Variants in GRIN2B observed in about 807,000 individuals in gnomAD.
GRIN2B encodes glutamate ionotropic receptor NMDA type subunit 2B.
GRIN2B carries 5 observed loss-of-function variants against 114.5 expected under a neutral mutation model. The ratio of observed to expected loss-of-function variants is 0.04; its 90% CI spans 0.02 to 0.09. The LOEUF is 0.09. Ranked by LOEUF, GRIN2B falls within the 10% of genes least tolerant of loss-of-function variation. GRIN2B has a pLI of 1.00. For missense variants in GRIN2B, 1,108 were observed against 1,943.5 expected (o/e 0.57, Z 8.08); for synonymous variants, 787 against 745.1 (o/e 1.06, Z -0.92).
intron 2 of GRIN2B, among the ~76,000 whole-genome samples, chr12:13,886,255 G>T (rs1212086505): frequency 6.6e-6 from 1 of 152,072 alleles, no homozygotes; most frequent in Non-Finnish European, 1.5e-5. Context: ...TTTCTTAATT[G>T]GAAATGTTTT....
At chr12:13,819,613 T>C (rs1462964123) in intron 3 of GRIN2B, among the ~76,000 whole-genome samples, 1 of 152,176 alleles carries the variant, frequency 6.6e-6, no homozygotes, top group Non-Finnish European at 1.5e-5. Flanking sequence ...TGGGGCAAGA[T>C]GCTATAATCA....
chr12:13,769,116 T>C (rs1397881355), intron 3 of GRIN2B, among the ~76,000 whole-genome samples: 1 of 152,158 alleles, frequency 6.6e-6, no homozygotes, highest in Non-Finnish European at 1.5e-5. Flanking sequence ...GTATCATTCT[T>C]GGAATTTATT....
chr12:13,601,922 T>C (rs79197832), intron 10 of GRIN2B, among the ~76,000 whole-genome samples: 11,400 of 152,192 alleles, frequency 0.075, 604 homozygotes, highest in South Asian at 0.13. Flanking sequence ...TGTTGGGGCA[T>C]ATAGCAGACC....
intron 5 of GRIN2B, among the ~76,000 whole-genome samples, chr12:13,629,190 G>A (rs1193706908): frequency 6.6e-6 from 1 of 152,184 alleles, no homozygotes; most frequent in African/African-American, 2.4e-5. Flanking sequence ...ATTGCCCAGG[G>A]TCGACCACTC....
chr12:13,796,328 C>T (rs1348869429), intron 3 of GRIN2B, among the ~76,000 whole-genome samples: 2 of 152,204 alleles, frequency 1.3e-5, no homozygotes, highest in African/African-American at 4.8e-5. Context: ...CAACCCCAGT[C>T]TCTGAGGCTC....
chr12:13,576,206 T>G (rs1303253141), intron 10 of GRIN2B, among the ~76,000 whole-genome samples: 2 of 152,226 alleles, frequency 1.3e-5, no homozygotes, highest in African/African-American at 4.8e-5. Context: ...AAAATTCACA[T>G]TCATGGAGAA....
chr12:13,914,300 T>C (rs7969900), intron 2 of GRIN2B, among the ~76,000 whole-genome samples: 2,947 of 152,260 alleles, frequency 0.019, 117 homozygotes, highest in African/African-American at 0.066. Flanking sequence ...CTTGCACCCT[T>C]TTCCATGGTA....
At chr12:13,762,928 G>A (rs537226157) in intron 3 of GRIN2B, among the ~76,000 whole-genome samples, 62 of 151,804 alleles carry the variant, frequency 4.1e-4, no homozygotes, top group African/African-American at 1.4e-3. Flanking sequence ...AACATCCAGC[G>A]ATGTGTTTTT....
At chr12:13,770,708 C>T (rs1294526548) in intron 3 of GRIN2B, among the ~76,000 whole-genome samples, 1 of 152,136 alleles carries the variant, frequency 6.6e-6, no homozygotes, top group African/African-American at 2.4e-5. Context: ...TGTTGTTCCC[C>T]TCCCTGTGTC....
At chr12:13,874,386 C>A (rs1865963283) in intron 2 of GRIN2B, among the ~76,000 whole-genome samples, 1 of 152,202 alleles carries the variant, frequency 6.6e-6, no homozygotes, top group Non-Finnish European at 1.5e-5. Context: ...GATTATAAAT[C>A]ACTTTACATG....
intron 2 of GRIN2B, among the ~76,000 whole-genome samples, chr12:13,922,405 A>G (rs1407595016): frequency 1.3e-5 from 2 of 152,178 alleles, no homozygotes; most frequent in Admixed American, 1.3e-4. Flanking sequence ...CTGAATTGTT[A>G]TTTGGGTTAG....
At chr12:13,735,735 T>G (rs1480043881) in intron 4 of GRIN2B, among the ~76,000 whole-genome samples, 1 of 152,128 alleles carries the variant, frequency 6.6e-6, no homozygotes, top group Non-Finnish European at 1.5e-5. Flanking sequence ...AATCCCTCCT[T>G]CTCATCAGAT....
At chr12:13,715,456 A>G (rs1950446840) in intron 4 of GRIN2B, among the ~76,000 whole-genome samples, 4 of 151,926 alleles carry the variant, frequency 2.6e-5, no homozygotes, top group Admixed American at 2.6e-4. Context: ...CTCTGAAGGT[A>G]AAAAGTTGTC....
chr12:13,630,890 C>T (rs1044168942), intron 5 of GRIN2B, among the ~76,000 whole-genome samples: 1 of 152,124 alleles, frequency 6.6e-6, no homozygotes, highest in African/African-American at 2.4e-5. Flanking sequence ...TTAATTGATT[C>T]ATAATTCTGC....
intron 3 of GRIN2B, among the ~76,000 whole-genome samples, chr12:13,809,671 C>A (rs187691474): frequency 7.9e-5 from 12 of 152,244 alleles, no homozygotes; most frequent in Admixed American, 7.2e-4. Flanking sequence ...AAGAAATCAG[C>A]AACACCCACT....
intron 10 of GRIN2B, among the ~76,000 whole-genome samples, chr12:13,586,913 T>C (rs1272333485): frequency 1.3e-5 from 2 of 152,198 alleles, no homozygotes; most frequent in Non-Finnish European, 2.9e-5. Flanking sequence ...ACTGTCTTCT[T>C]ATTCATTCAT....
At chr12:13,758,730 C>A (rs1180921434) in intron 3 of GRIN2B, among the ~76,000 whole-genome samples, 1 of 152,196 alleles carries the variant, frequency 6.6e-6, no homozygotes, top group African/African-American at 2.4e-5. Context: ...TCTTTTCTAA[C>A]TTTCCCTGGT....
At position 13,559,187 on chromosome 12, in the gene GRIN2B, CCTTT is replaced by C. The variant is rs1310174735; in HGVS notation, c.*3592_*3595del. On this transcript the variant is annotated 3_prime_UTR_variant, in exon 14 of 14. Transcript: ENST00000609686. ...CTAGATTTTAACAATGCCCAGCCTTCCTTTCTTTAAGTTTTCTTAAGCAGACCAT... is the reference window on the plus strand; with the variant it reads ...CTAGATTTTAACAATGCCCAGCCTTCCTTTAAGTTTTCTTAAGCAGACCAT... 2.0e-5 allele frequency: 3 copies of C among 146,380 alleles called. No individual in the cohort carries two copies. The highest frequency in any genetic ancestry group is 3.0e-5 in the Non-Finnish European group (2 of 67,526). The allele number at this position is 146,380 out of a possible 1,614,324, so 9.1% of individuals were successfully genotyped here.
At chr12:13,842,456 A>C (rs971458016) in intron 3 of GRIN2B, among the ~76,000 whole-genome samples, 1 of 149,672 alleles carries the variant, frequency 6.7e-6, no homozygotes, top group East Asian at 2.0e-4. Flanking sequence ...GCTCAAATTC[A>C]ATCTTCCTCA....
Sources: allele counts gnomAD v4.1 joint callset (sites outside exome capture counted in the v4.1 genomes callset), GRCh38; gene constraint gnomAD v4.1.1; transcripts MANE v1.5; gene names NCBI Gene and HGNC (gene_info 2026-07-23, HGNC 2026-07-21).